Variants in POLE observed in about 807,000 individuals in gnomAD.
POLE encodes DNA polymerase epsilon, catalytic subunit, also known as DNA polymerase epsilon catalytic subunit A.
Under a neutral mutation model 279.2 loss-of-function variants are expected in POLE, and 188 were observed. That is an observed-to-expected ratio of 0.67 (90% CI 0.60 to 0.76). The LOEUF is 0.76. POLE is among the 30% of genes least tolerant of loss of function. POLE has a pLI of 0.00. For missense variants in POLE, 2,703 were observed against 3,016.7 expected (o/e 0.90, Z 2.44); for synonymous variants, 1,214 against 1,172.5 (o/e 1.04, Z -0.72).
At chr12:132,647,464 G>A (rs193005943) in intron 32 of POLE, among the ~76,000 whole-genome samples, 27 of 150,388 alleles carry the variant, frequency 1.8e-4, no homozygotes, top group African/African-American at 4.9e-4. Context: ...AAAAAAAAGC[G>A]TATTATCCCT....
In POLE at chr12:132,664,044, G is replaced by A. The variant is rs768534409; in HGVS notation, c.2666C>T (p.Thr889Ile). 6.2e-7 allele frequency: 1 copy of A among 1,614,186 alleles called. No homozygotes were observed. The highest frequency in any genetic ancestry group is 1.1e-5 in the South Asian group (1 of 91,088). Reference protein sequence around the residue: ...KTTNVKKPKVTISYPGAMLNI... With the variant: ...KTTNVKKPKVIISYPGAMLNI... ...CAACATGGCGCCTGGGTAGGAGATG[G>A]TCACTTTGGGCTTCTTCACATTGGT... Residue 889 changes from threonine to isoleucine, a missense_variant, in exon 23 of 49, where the codon ACC (threonine) becomes ATC (isoleucine). Physicochemically the swap from Thr to Ile is moderately conservative, Grantham distance 89. This residue lies in a region of POLE where 101 missense variants were observed against 115.4 expected (regional missense o/e 0.87). Coordinates refer to ENST00000320574, the MANE Select transcript of POLE (RefSeq NM_006231.4). This position sits in a 1 kb window ranked among gnomAD's most constrained non-coding sequence, Gnocchi z 5.3.
intron 47 of POLE, 90 bp downstream of exon 47, chr12:132,625,555 C>G: frequency 6.5e-7 from 1 of 1,534,180 alleles, no homozygotes; most frequent in Non-Finnish European, 8.9e-7. Context: ...GGGCGTGCCT[C>G]AGGACCTGCA....
At position 132,675,694 on chromosome 12, in the gene POLE, CA is replaced by C. The variant is rs1349472356; in HGVS notation, c.1106+40del. On this transcript the variant is annotated intron_variant, in intron 11 of 48. Coordinates refer to ENST00000320574, the MANE Select transcript of POLE (RefSeq NM_006231.4). This position sits in a 1 kb window ranked among gnomAD's most constrained non-coding sequence, Gnocchi z 4.3. ...CTGCACCACGCAACGCCCTCCCTCT[CA>C]AATGCTGCCCAGTTACTCATAGAGA... is the stretch of plus-strand genomic sequence containing the variant. 8 of 1,592,810 alleles carry C rather than the reference CA, an allele frequency of 5.0e-6. No individual in the cohort carries two copies. Among genetic ancestry groups the C allele is most frequent in the Non-Finnish European group, 6.9e-6 (8 of 1,161,020 alleles).
intron 26 of POLE, 47 bp downstream of exon 26, chr12:132,659,248 C>A (rs5744860): frequency 1.3e-6 from 2 of 1,582,788 alleles, no homozygotes; most frequent in African/African-American, 2.7e-5. Flanking sequence ...CTCACCTGTC[C>A]GTGATGGGAG....
At chr12:132,649,989 T>C (rs1006221646) in intron 29 of POLE, 100 bp from the exon 30 acceptor site, 62 of 999,824 alleles carry the variant, frequency 6.2e-5, no homozygotes, top group East Asian at 2.2e-4. Flanking sequence ...GACAGGAGAA[T>C]TGCTTGGGGC....
At chr12:132,627,789 T>G (rs1376815455) in intron 45 of POLE, among the ~76,000 whole-genome samples, 1 of 152,210 alleles carries the variant, frequency 6.6e-6, no homozygotes, top group Non-Finnish European at 1.5e-5. Context: ...TGCTGACTGA[T>G]CAGGGTGGTA....
At chr12:132,667,419 G>T in intron 20 of POLE, 84 bp downstream of exon 20, 1 of 1,436,114 alleles carries the variant, frequency 7.0e-7, no homozygotes, top group Non-Finnish European at 9.7e-7. Flanking sequence ...GAGGATCCCA[G>T]GCAAGGAGCC....
Position 132,661,444 on chromosome 12 carries a change from C to T in POLE, c.2864+83G>A, listed in dbSNP as rs2135947694. ...CCCAGGTCTGTTTCTATCCTGGCTC[C>T]TGATCCAACCTCCTTTCTGGGCTAA... On this transcript the variant is annotated intron_variant, in intron 24 of 48. Coordinates refer to ENST00000320574, the MANE Select transcript of POLE (RefSeq NM_006231.4). This position sits in a 1 kb window ranked among gnomAD's most constrained non-coding sequence, Gnocchi z 4.1. 1.4e-6 allele frequency: 2 copies of T among 1,466,750 alleles called. No homozygotes were observed. Among genetic ancestry groups the T allele is most frequent in the Non-Finnish European group, 1.9e-6 (2 of 1,069,184 alleles). 90.9% of individuals were successfully genotyped at this position (1,466,750 alleles called of 1,614,324 possible).
chr12:132,626,614 CT>C (rs2138433997), intron 45 of POLE, among the ~76,000 whole-genome samples: 1 of 118,266 alleles, frequency 8.5e-6, no homozygotes, highest in South Asian at 2.9e-4. Flanking sequence ...CCAGCATCCC[CT>C]GATACTAGAA....
Position 132,679,513 on chromosome 12 carries a change from T to G in POLE, c.562A>C (p.Thr188Pro). 6.2e-7 allele frequency: 1 copy of G among 1,613,274 alleles called. No individual in the cohort carries two copies. Among genetic ancestry groups the G allele is most frequent in the South Asian group, 1.1e-5 (1 of 91,048 alleles). Residue 188 changes from threonine to proline, a missense_variant, in exon 6 of 49, where the codon ACA becomes CCA. Transcript: ENST00000320574. ...AAAGTTTACCTGGAAAGCAGAGCTGTGTACGCGTCGCTGGCGTGATCCTGC... is the reference window on the plus strand; with the variant it reads ...AAAGTTTACCTGGAAAGCAGAGCTGGGTACGCGTCGCTGGCGTGATCCTGC... ...REQDHASDAY[T>P]ALLSSVLQRG...
intron 29 of POLE, among the ~76,000 whole-genome samples, chr12:132,654,832 T>C (rs1362387172): frequency 1.3e-5 from 2 of 152,250 alleles, no homozygotes; most frequent in African/African-American, 4.8e-5. Context: ...CTAAGTCTTT[T>C]CAAAGAACAA....
At chr12:132,683,019 G>C (rs1185111702) in intron 1 of POLE, among the ~76,000 whole-genome samples, 1 of 151,886 alleles carries the variant, frequency 6.6e-6, no homozygotes, top group African/African-American at 2.4e-5. Flanking sequence ...TTGTCTGAAG[G>C]TATTCCTTGG....
Position 132,634,418 on chromosome 12 carries a change from G to A in POLE, c.5812-40C>T, listed in dbSNP as rs377601316. 98 of 1,582,100 alleles carry A rather than the reference G, an allele frequency of 6.2e-5. No homozygotes were observed. In the African/African-American group the frequency reaches 1.1e-3, roughly 18 times the overall value. On this transcript the variant is annotated intron_variant, in intron 42 of 48. Coordinates refer to ENST00000320574, the MANE Select transcript of POLE (RefSeq NM_006231.4). The surrounding 1 kb of genome is among the most constrained non-coding windows in gnomAD (Gnocchi z 4.0). ...ACAACGCGGCTGTGTTTGCACCATC[G>A]CGGCCTGGTAGAGGGGTAGGATGCC...
rs1425990651 is a variant in POLE, at chr12:132,680,176, A to T, written c.330+2T>A. 2 of 1,613,944 alleles carry T rather than the reference A, an allele frequency of 1.2e-6. No individual in the cohort carries two copies. The highest frequency in any genetic ancestry group is 2.2e-5 in the South Asian group (2 of 91,086). On this transcript the variant is annotated splice_donor_variant, in intron 4 of 48. Coordinates refer to ENST00000320574, the MANE Select transcript of POLE (RefSeq NM_006231.4). LOFTEE classifies it high-confidence loss of function. ...TGACCTGAGTCTATGAAACACACTC[A>T]CCTTTCTGGTCGCAATGTAGAAATA...
rs753660412 is a variant in POLE, at chr12:132,668,443, G to A, written c.2086C>T (p.Pro696Ser). ...GCTGGCCCCTCTGGGAACAAGGGGG[G>A]GAACTTCTCTGACTCCAGCTGGTGC... is the stretch of plus-strand genomic sequence containing the variant. ...IQHQLESEKFPPLFPEGPARA... is the reference protein window; with the variant it reads ...IQHQLESEKFSPLFPEGPARA... Residue 696 changes from proline (P) to serine (S), a missense_variant, in exon 19 of 49, where the codon CCC (proline) becomes TCC (serine). Around this residue, in one of 5 missense-constraint regions of POLE, gnomAD observed 1,011 missense variants for 1,111.7 expected, o/e 0.91. Transcript: ENST00000320574. This position sits in a 1 kb window ranked among gnomAD's most constrained non-coding sequence, Gnocchi z 4.0. The A allele has an allele frequency of 6.2e-7, 1 of 1,612,690 alleles. No homozygotes were observed. The highest frequency in any genetic ancestry group is 2.2e-5 in the East Asian group (1 of 44,826).
In POLE at chr12:132,676,175, A is replaced by C. The variant is rs2136013996; in HGVS notation, c.939T>G (p.Val313=). The C allele has an allele frequency of 1.2e-6, 2 of 1,613,490 alleles. No homozygotes were observed. Among genetic ancestry groups the C allele is most frequent in the Non-Finnish European group, 1.7e-6 (2 of 1,179,758 alleles). Reference sequence around the variant, plus strand: ...ACTCAAAATCTTCAATATCTTCTGAAACAATCTCCCTGTTGGTGATGAGGT... The same window carrying C: ...ACTCAAAATCTTCAATATCTTCTGACACAATCTCCCTGTTGGTGATGAGGT... ...QGYLITNREI[V]SEDIEDFEFT... Residue 313 remains valine (V), a synonymous_variant, in exon 10 of 49, where the codon GTT becomes GTG. Coordinates refer to ENST00000320574, the MANE Select transcript of POLE (RefSeq NM_006231.4).
chr12:132,638,210 C>G (rs1461118364), intron 40 of POLE, 71 bp from the exon 41 acceptor site: 42 of 1,487,524 alleles, frequency 2.8e-5, no homozygotes, highest in Admixed American at 7.7e-5. Context: ...CCCAGAAAAT[C>G]CAAGAGGGAA....
rs1272313184 is a variant in POLE at position 132,661,952 on chromosome 12, T to G, written c.2707-268A>C. Among the ~76,000 whole-genome samples, 2 of 152,216 alleles carry G rather than the reference T, an allele frequency of 1.3e-5. No individual in the cohort carries two copies. Among genetic ancestry groups the G allele is most frequent in the African/African-American group, 4.8e-5 (2 of 41,446 alleles). ...TGACATTTTCGACAAAGCAAAATTA[T>G]AGTACAAAAAACACATTGTGGGTTG... is the stretch of plus-strand genomic sequence containing the variant. On this transcript the variant is annotated intron_variant, in intron 23 of 48. Transcript: ENST00000320574. The surrounding 1 kb of genome is among the most constrained non-coding windows in gnomAD (Gnocchi z 4.1).
rs752558475 is a variant in POLE at position 132,641,663 on chromosome 12, AC to A, written c.5361del (p.Cys1788AlafsTer8). On this transcript the variant is annotated frameshift_variant, in exon 39 of 49. Coordinates refer to ENST00000320574, the MANE Select transcript of POLE (RefSeq NM_006231.4). LOFTEE classifies it high-confidence loss of function. ...SAPASYDETA[L>X]CSNTFRILKS... The stretch of plus-strand genomic sequence containing the variant: ...GGGTGGCACCTGAAGGTGTTAGAGC[AC>A]AGGGCTGTCTCATCGTAGCTGGCCG... 15 of 1,614,058 alleles carry A rather than the reference AC, an allele frequency of 9.3e-6. No individual in the cohort carries two copies. Among genetic ancestry groups the A allele is most frequent in the Non-Finnish European group, 1.1e-5 (13 of 1,179,966 alleles).
Sources: allele counts gnomAD v4.1 joint callset (sites outside exome capture counted in the v4.1 genomes callset), GRCh38; gene constraint gnomAD v4.1.1; regional missense constraint gnomAD v4.1.1; non-coding constraint Gnocchi (gnomAD v3.1); transcripts MANE v1.5; gene names NCBI Gene and HGNC (gene_info 2026-07-23, HGNC 2026-07-21).